Variants in ARFIP1 observed in about 807,000 individuals in gnomAD.
The protein encoded by ARFIP1 is ARF interacting protein 1, also known as arfaptin-1.
ARFIP1 carries 24 observed loss-of-function variants against 42.5 expected under a neutral mutation model. The observed-to-expected ratio is 0.57, with a 90% CI of 0.41 to 0.80. The LOEUF (loss-of-function observed/expected upper bound fraction) is 0.80. Ranked by LOEUF, ARFIP1 falls within the 30% of genes least tolerant of loss-of-function variation. The pLI, the probability that ARFIP1 is intolerant of heterozygous loss-of-function variation, is 0.00. For missense variants in ARFIP1, 354 were observed against 434.0 expected (o/e 0.82, Z 1.64); for synonymous variants, 141 against 153.7 (o/e 0.92, Z 0.61).
intron 1 of ARFIP1, among the ~76,000 whole-genome samples, chr4:152,787,169 A>G (rs1344183411): frequency 6.6e-6 from 1 of 152,198 alleles, no homozygotes; most frequent in Non-Finnish European, 1.5e-5. Context: ...GACTCATTAA[A>G]TTTCCAAGTT....
At chr4:152,882,210 A>G (rs1455118022) in intron 6 of ARFIP1, among the ~76,000 whole-genome samples, 1 of 152,174 alleles carries the variant, frequency 6.6e-6, no homozygotes. Context: ...GCCTAAATAG[A>G]GCTGAGCTTG....
chr4:152,871,844 T>C (rs1449850402), intron 4 of ARFIP1, among the ~76,000 whole-genome samples: 2 of 152,150 alleles, frequency 1.3e-5, no homozygotes, highest in Non-Finnish European at 2.9e-5. Context: ...TTTGGTTTTC[T>C]TACCTTTTTT....
At chr4:152,891,177 A>G (rs913188171) in intron 8 of ARFIP1, among the ~76,000 whole-genome samples, 1 of 152,214 alleles carries the variant, frequency 6.6e-6, no homozygotes, top group African/African-American at 2.4e-5. Context: ...ATACCATCAC[A>G]TTGAGGGTGA....
intron 1 of ARFIP1, among the ~76,000 whole-genome samples, chr4:152,818,885 A>G (rs1332359750): frequency 6.6e-6 from 1 of 152,182 alleles, no homozygotes; most frequent in Non-Finnish European, 1.5e-5. Flanking sequence ...CTTTTGTACA[A>G]CAAAAGCATG....
intron 1 of ARFIP1, among the ~76,000 whole-genome samples, chr4:152,795,329 A>G (rs1234058055): frequency 6.6e-6 from 1 of 152,016 alleles, no homozygotes; most frequent in South Asian, 2.1e-4. Context: ...AAATCACTTC[A>G]TATTATAGAG....
chr4:152,883,158 T>C (rs1735981721), intron 7 of ARFIP1: 2 of 307,486 alleles, frequency 6.5e-6, no homozygotes. Context: ...CTACCATAAA[T>C]AATTTCCTAA....
At chr4:152,835,301 A>G (rs187272631) in intron 2 of ARFIP1, among the ~76,000 whole-genome samples, 3 of 152,316 alleles carry the variant, frequency 2.0e-5, no homozygotes, top group East Asian at 3.9e-4. Context: ...AGGCTGTTAG[A>G]GGCAGCCAAG....
At chr4:152,870,997 A>T in intron 4 of ARFIP1, 149 bp downstream of exon 4, 1 of 527,816 alleles carries the variant, frequency 1.9e-6, no homozygotes, top group South Asian at 3.9e-5. Flanking sequence ...AAAGGAAATA[A>T]TTTTTCTAAC....
rs1728674536 is a variant in ARFIP1 at position 152,804,095 on chromosome 4, A to ATATATTATATATAATATAACATGTAT, written c.-10+23875_-10+23900dup. Among the ~76,000 whole-genome samples, 3 of 105,788 alleles carry ATATATTATATATAATATAACATGTAT rather than the reference A, an allele frequency of 2.8e-5. 1 individual carries two copies. The highest frequency in any genetic ancestry group is 3.7e-5 in the Non-Finnish European group (2 of 53,336). 69.4% of individuals were successfully genotyped at this position (105,788 alleles called of 152,430 possible). A position where few individuals can be genotyped will look rare whatever the true frequency, so the allele number is the denominator to read the frequency against. ...TATATTATATATAATATAACGTAATATATATTATATATAATATAACATGTA... is the reference window on the plus strand; with the variant it reads ...TATATTATATATAATATAACGTAATATATATTATATATAATATAACATGTATTATATTATATATAATATAACATGTA... On this transcript the variant is annotated intron_variant, in intron 1 of 8. Coordinates refer to ENST00000353617, the MANE Select transcript of ARFIP1 (RefSeq NM_001025595.3).
At chr4:152,907,503 T>C (rs1170267476) in intron 8 of ARFIP1, among the ~76,000 whole-genome samples, 1 of 152,244 alleles carries the variant, frequency 6.6e-6, no homozygotes, top group East Asian at 1.9e-4. Flanking sequence ...TTATCCTCTC[T>C]ACTGTCCTCC....
intron 2 of ARFIP1, among the ~76,000 whole-genome samples, chr4:152,861,460 GA>G (rs551084435): frequency 6.3e-4 from 96 of 151,850 alleles, no homozygotes; most frequent in African/African-American, 2.3e-3. Context: ...AAAACTTAAG[GA>G]AAAAAAGGTA....
intron 1 of ARFIP1, among the ~76,000 whole-genome samples, chr4:152,800,044 T>C (rs1731706009): frequency 6.6e-6 from 1 of 152,160 alleles, no homozygotes; most frequent in Non-Finnish European, 1.5e-5. Flanking sequence ...TACCCAAATA[T>C]GCAGCATTCA....
At position 152,911,089 on chromosome 4, in the gene ARFIP1, A is replaced by G. The variant is rs1579065190; in HGVS notation, c.*870A>G. 1 of 152,652 alleles carries G rather than the reference A, an allele frequency of 6.6e-6. No homozygotes were observed. Among genetic ancestry groups the G allele is most frequent in the Admixed American group, 6.5e-5 (1 of 15,274 alleles). The allele number at this position is 152,652 out of a possible 1,614,324, so 9.5% of individuals were successfully genotyped here. A position where few individuals can be genotyped will look rare whatever the true frequency, so the allele number is the denominator to read the frequency against. ...ACATAGACAGCTTTTATTGACTTCC[A>G]TATGTAACAATACCGTTTAAGCCTT... On this transcript the variant is annotated 3_prime_UTR_variant, in exon 9 of 9. Transcript: ENST00000353617.
intron 1 of ARFIP1, among the ~76,000 whole-genome samples, chr4:152,824,503 T>TA (rs1248557387): frequency 6.6e-6 from 1 of 152,054 alleles, no homozygotes; most frequent in Admixed American, 6.5e-5. Flanking sequence ...CCCTTTATGA[T>TA]AAAAACCCTC....
intron 8 of ARFIP1, among the ~76,000 whole-genome samples, chr4:152,903,008 A>G (rs1000993956): frequency 6.6e-6 from 1 of 152,210 alleles, no homozygotes; most frequent in African/African-American, 2.4e-5. Context: ...TCTTATTTTA[A>G]AAGTTGTATT....
At chr4:152,905,021 A>G (rs914796125) in intron 8 of ARFIP1, among the ~76,000 whole-genome samples, 8 of 152,208 alleles carry the variant, frequency 5.3e-5, no homozygotes, top group African/African-American at 1.7e-4. Context: ...CAACAGTATA[A>G]AAGTGTTCCT....
intron 1 of ARFIP1, among the ~76,000 whole-genome samples, chr4:152,792,353 A>G (rs1322639145): frequency 1.3e-5 from 2 of 152,140 alleles, no homozygotes; most frequent in Non-Finnish European, 2.9e-5. Context: ...TTCTTTGAAG[A>G]CTTATGTGTG....
chr4:152,815,523 T>G (rs1729795803), intron 1 of ARFIP1, among the ~76,000 whole-genome samples: 1 of 152,196 alleles, frequency 6.6e-6, no homozygotes. Flanking sequence ...TATAATAGGC[T>G]TGTAAACTTT....
chr4:152,800,155 A>G (rs543649205), intron 1 of ARFIP1, among the ~76,000 whole-genome samples: 2 of 152,340 alleles, frequency 1.3e-5, no homozygotes, highest in South Asian at 2.1e-4. Flanking sequence ...ACAGTTAACA[A>G]AAGTACAGTT....
Sources: gnomAD v4.1 joint callset for allele counts (sites outside exome capture counted in the v4.1 genomes callset) on GRCh38, gnomAD v4.1.1 for gene constraint, MANE v1.5 for transcripts, NCBI Gene and HGNC (gene_info 2026-07-23, HGNC 2026-07-21) for gene names.